NRCAM: variants seen among roughly 807,000 people sequenced by gnomAD.
NRCAM encodes neuronal cell adhesion molecule.
In NRCAM, 83 loss-of-function variants were observed where a neutral mutation model predicts 156.5. The observed-to-expected ratio is 0.53, with a 90% CI of 0.44 to 0.64. The LOEUF (loss-of-function observed/expected upper bound fraction) is 0.64. Among genes scored for constraint, NRCAM ranks in the 30% least tolerant of loss-of-function variants. The pLI is 0.00. For synonymous variants in NRCAM, 538 were observed against 563.9 expected (o/e 0.95, Z 0.65); for missense variants, 1,417 against 1,597.3 (o/e 0.89, Z 1.92).
chr7:108,356,555 C>T (rs753483127), intron 2 of NRCAM, among the ~76,000 whole-genome samples: 4 of 151,804 alleles, frequency 2.6e-5, no homozygotes, highest in Non-Finnish European at 4.4e-5. Flanking sequence ...ATCTGTTTAA[C>T]GAGGAGCTAT....
chr7:108,275,085 A>G (rs2097542887), intron 3 of NRCAM, among the ~76,000 whole-genome samples: 1 of 152,204 alleles, frequency 6.6e-6, no homozygotes, highest in African/African-American at 2.4e-5. Flanking sequence ...CCAGGGATGA[A>G]GCCAACTTGC....
At chr7:108,347,107 G>A (rs1340559665) in intron 2 of NRCAM, among the ~76,000 whole-genome samples, 6 of 127,748 alleles carry the variant, frequency 4.7e-5, no homozygotes, top group African/African-American at 1.2e-4. Context: ...GTGCAATCTC[G>A]GCTCACTGCA....
intron 2 of NRCAM, among the ~76,000 whole-genome samples, chr7:108,336,978 AAC>A (rs1248244508): frequency 2.6e-5 from 4 of 152,164 alleles, no homozygotes; most frequent in African/African-American, 4.8e-5. Context: ...AAAACTGGTT[AAC>A]ACAGCCTGGC....
intron 3 of NRCAM, among the ~76,000 whole-genome samples, chr7:108,300,380 T>G (rs1482553757): frequency 2.6e-5 from 4 of 152,000 alleles, no homozygotes; most frequent in Non-Finnish European, 5.9e-5. Context: ...CTTTATGCAA[T>G]AAAATGTTAG....
chr7:108,326,845 C>T (rs2099074246), intron 2 of NRCAM, among the ~76,000 whole-genome samples: 2 of 152,046 alleles, frequency 1.3e-5, no homozygotes, highest in Admixed American at 1.3e-4. Context: ...TCAAAGAGAC[C>T]AGGGACAAGA....
At chr7:108,448,009 T>C (rs971033847) in intron 1 of NRCAM, among the ~76,000 whole-genome samples, 2 of 152,256 alleles carry the variant, frequency 1.3e-5, no homozygotes, top group African/African-American at 4.8e-5. Flanking sequence ...CTCTGCTGTT[T>C]AATGAACCCC....
chr7:108,259,740 G>A (rs2096822460), intron 3 of NRCAM, among the ~76,000 whole-genome samples: 1 of 152,188 alleles, frequency 6.6e-6, no homozygotes, highest in Non-Finnish European at 1.5e-5. Flanking sequence ...AACTACTGCA[G>A]GAACAGAAAA....
At chr7:108,406,242 T>C (rs2099807215) in intron 1 of NRCAM, among the ~76,000 whole-genome samples, 3 of 152,026 alleles carry the variant, frequency 2.0e-5, no homozygotes, top group Admixed American at 6.6e-5. Flanking sequence ...AGAAATAGAA[T>C]GATAACTTTA....
intron 2 of NRCAM, among the ~76,000 whole-genome samples, chr7:108,391,262 T>C (rs973945906): frequency 6.6e-6 from 1 of 152,166 alleles, no homozygotes; most frequent in Non-Finnish European, 1.5e-5. Flanking sequence ...TGCTCCTGTA[T>C]TGGGTGCATA....
chr7:108,300,391 A>C (rs956449814), intron 3 of NRCAM, among the ~76,000 whole-genome samples: 4 of 152,028 alleles, frequency 2.6e-5, no homozygotes, highest in South Asian at 4.1e-4. Flanking sequence ...AAAATGTTAG[A>C]GGATACCAGA....
chr7:108,317,909 A>T (rs2098947949), intron 2 of NRCAM, among the ~76,000 whole-genome samples: 1 of 136,484 alleles, frequency 7.3e-6, no homozygotes, highest in African/African-American at 2.5e-5. Flanking sequence ...ACTCAGTCCC[A>T]GAAAAAAAAA....
chr7:108,177,523 T>A lies in NRCAM; in HGVS notation c.2974+467A>T, dbSNP rs1430516004. Reference sequence around the variant, plus strand: ...CTGTAGTCCCAGCTACTCGGGAGGCTGACGGAGGAGAATGGTGTGAACTCG... The same window carrying A: ...CTGTAGTCCCAGCTACTCGGGAGGCAGACGGAGGAGAATGGTGTGAACTCG... On this transcript the variant is annotated intron_variant, in intron 26 of 32. Transcript: ENST00000379028. Among the ~76,000 whole-genome samples, 4 of 151,920 alleles carry A rather than the reference T, an allele frequency of 2.6e-5. No homozygotes were observed. The South Asian group carries it at 8.3e-4, about 32-fold the overall frequency.
intron 15 of NRCAM, among the ~76,000 whole-genome samples, chr7:108,195,051 C>T (rs2074184748): frequency 7.1e-6 from 1 of 141,128 alleles, no homozygotes; most frequent in South Asian, 2.4e-4. Flanking sequence ...ATGGTAAGAA[C>T]AAATTCTGCT....
At position 108,456,044 on chromosome 7, in the gene NRCAM, G is replaced by T. The variant is rs537979345; in HGVS notation, c.-332+199C>A. On this transcript the variant is annotated intron_variant, in intron 1 of 32. Coordinates refer to ENST00000379028, the MANE Select transcript of NRCAM (RefSeq NM_001037132.4). ...GCTCCCTCTCGGCGCCCGCGGGAGT[G>T]TCGGGGGCCTGCAGGGGAGAAGGGA... Among the ~76,000 whole-genome samples, 919 of 152,226 alleles carry T rather than the reference G, an allele frequency of 6.0e-3. 12 individuals carry two copies. Among genetic ancestry groups the T allele is most frequent in the African/African-American group, 0.021 (855 of 41,548 alleles).
chr7:108,392,642 G>C (rs545123628), intron 2 of NRCAM, among the ~76,000 whole-genome samples: 2 of 152,298 alleles, frequency 1.3e-5, no homozygotes, highest in South Asian at 4.1e-4. Context: ...GAGAAGATGT[G>C]CTCTGATTTG....
chr7:108,360,230 AAGG>A (rs952343062), intron 2 of NRCAM, among the ~76,000 whole-genome samples: 13 of 152,284 alleles, frequency 8.5e-5, no homozygotes, highest in African/African-American at 3.1e-4. Context: ...TTAAACAGAG[AAGG>A]AGAAGTGAGA....
intron 4 of NRCAM, 74 bp downstream of exon 4, chr7:108,239,885 G>A (rs1196702674): frequency 8.0e-6 from 7 of 872,142 alleles, no homozygotes; most frequent in Middle Eastern, 2.3e-4. Context: ...CTCCATTCAC[G>A]CAGTTCAGAG....
At chr7:108,333,671 T>C (rs1449899500) in intron 2 of NRCAM, among the ~76,000 whole-genome samples, 3 of 152,204 alleles carry the variant, frequency 2.0e-5, no homozygotes, top group Non-Finnish European at 2.9e-5. Context: ...TAGGTTAGAA[T>C]CTGTTAAAAG....
chr7:108,345,128 GA>G (rs2099341875), intron 2 of NRCAM, among the ~76,000 whole-genome samples: 1 of 152,132 alleles, frequency 6.6e-6, no homozygotes, highest in African/African-American at 2.4e-5. Context: ...ATTCAAATAG[GA>G]AAATTGATTG....
Sources: gnomAD v4.1 joint callset for allele counts (sites outside exome capture counted in the v4.1 genomes callset) on GRCh38, gnomAD v4.1.1 for gene constraint, MANE v1.5 for transcripts, NCBI Gene and HGNC (gene_info 2026-07-23, HGNC 2026-07-21) for gene names.